The following ROBO1 variants were observed in gnomAD, a reference collection of about 807,000 sequenced individuals.
ROBO1 encodes roundabout homolog 1.
ROBO1 carries 149 observed loss-of-function variants against 195.9 expected under a neutral mutation model. The observed-to-expected ratio is 0.76, with a 90% CI of 0.67 to 0.87. The LOEUF is 0.87. Among genes scored for constraint, ROBO1 ranks in the 40% least tolerant of loss-of-function variants. ROBO1 has a pLI of 0.00. For missense variants in ROBO1, 1,933 were observed against 2,068.3 expected (o/e 0.93, Z 1.27); for synonymous variants, 816 against 733.2 (o/e 1.11, Z -1.82).
At chr3:78,642,211 T>C (rs1416723241) in intron 21 of ROBO1, among the ~76,000 whole-genome samples, 1 of 152,178 alleles carries the variant, frequency 6.6e-6, no homozygotes, top group East Asian at 1.9e-4. Flanking sequence ...TAGATTTGCG[T>C]CATGAAGAAA....
chr3:79,517,633 GTTTA>G (rs1395085278), intron 2 of ROBO1, among the ~76,000 whole-genome samples: 2 of 152,066 alleles, frequency 1.3e-5, no homozygotes, highest in Non-Finnish European at 2.9e-5. Context: ...GATCATCTTT[GTTTA>G]CCCTCTGTTC....
At chr3:79,084,971 C>T (rs912391180) in intron 3 of ROBO1, among the ~76,000 whole-genome samples, 3 of 151,936 alleles carry the variant, frequency 2.0e-5, no homozygotes, top group Non-Finnish European at 4.4e-5. Context: ...TAAAACTGTA[C>T]ATAGCATAAA....
At chr3:78,723,418 C>A (rs1350366) in intron 5 of ROBO1, among the ~76,000 whole-genome samples, 16,591 of 152,096 alleles carry the variant, frequency 0.11, 1,444 homozygotes, top group East Asian at 0.41. Flanking sequence ...CAGAATATAA[C>A]CCTGTCATTA....
chr3:79,517,055 C>A (rs770915931), intron 2 of ROBO1, among the ~76,000 whole-genome samples: 1 of 152,142 alleles, frequency 6.6e-6, no homozygotes, highest in Non-Finnish European at 1.5e-5. Flanking sequence ...TTTTACCATA[C>A]CATAAGACTC....
chr3:78,796,386 G>A (rs1351698479), intron 4 of ROBO1, among the ~76,000 whole-genome samples: 3 of 93,796 alleles, frequency 3.2e-5, no homozygotes, highest in South Asian at 4.4e-4. Flanking sequence ...ATGCAGTACT[G>A]TTGGTTCATA....
chr3:78,801,430 T>C (rs2084367654), intron 4 of ROBO1, among the ~76,000 whole-genome samples: 1 of 152,178 alleles, frequency 6.6e-6, no homozygotes, highest in Non-Finnish European at 1.5e-5. Context: ...TATAAAAATA[T>C]TAATATCAAA....
chr3:78,973,591 A>C (rs2076821184), intron 3 of ROBO1, among the ~76,000 whole-genome samples: 1 of 146,556 alleles, frequency 6.8e-6, no homozygotes, highest in Non-Finnish European at 1.5e-5. Context: ...ATATATATAT[A>C]TATATATAGC....
intron 4 of ROBO1, among the ~76,000 whole-genome samples, chr3:78,808,440 T>C (rs994009468): frequency 1.3e-5 from 2 of 152,108 alleles, no homozygotes; most frequent in Non-Finnish European, 2.9e-5. Flanking sequence ...CCTGAACTCG[T>C]GATCCACCCA....
At chr3:79,138,583 T>G in intron 2 of ROBO1, among the ~76,000 whole-genome samples, 1 of 152,038 alleles carries the variant, frequency 6.6e-6, no homozygotes, top group Admixed American at 6.6e-5. Context: ...TGCACACATT[T>G]GGAAATAGAA....
chr3:79,580,234 G>A (rs1463949039), intron 2 of ROBO1, among the ~76,000 whole-genome samples: 1 of 152,054 alleles, frequency 6.6e-6, no homozygotes, highest in Non-Finnish European at 1.5e-5. Context: ...CACTTTGAGA[G>A]GCCTAAGCTG....
chr3:78,878,413 C>T (rs943577761), intron 4 of ROBO1, among the ~76,000 whole-genome samples: 2 of 151,828 alleles, frequency 1.3e-5, no homozygotes, highest in African/African-American at 2.4e-5. Context: ...TGGCAAACCC[C>T]GTCTCTACTA....
chr3:78,995,162 A>T (rs1004727110), intron 3 of ROBO1, among the ~76,000 whole-genome samples: 2 of 152,206 alleles, frequency 1.3e-5, no homozygotes, highest in Non-Finnish European at 2.9e-5. Flanking sequence ...AAAGTTGGGT[A>T]ACTGATGATA....
chr3:79,387,964 CT>C (rs1285361689), intron 2 of ROBO1, among the ~76,000 whole-genome samples: 2 of 152,130 alleles, frequency 1.3e-5, no homozygotes, highest in African/African-American at 4.8e-5. Context: ...CCCAGCAATT[CT>C]CACAGTGCTA....
chr3:78,704,772 G>A (rs1016179876), intron 8 of ROBO1, among the ~76,000 whole-genome samples: 1 of 151,916 alleles, frequency 6.6e-6, no homozygotes, highest in Non-Finnish European at 1.5e-5. Flanking sequence ...AGCCCAGGTG[G>A]TCAATGCTGC....
intron 6 of ROBO1, 68 bp from the exon 7 acceptor site, chr3:78,717,481 T>C (rs2081931228): frequency 2.2e-6 from 3 of 1,336,454 alleles, no homozygotes; most frequent in Non-Finnish European, 3.2e-6. Context: ...ACTTTAGGAG[T>C]TCAGTAAGAG....
At chr3:79,303,736 A>C (rs1181211581) in intron 2 of ROBO1, among the ~76,000 whole-genome samples, 1 of 152,182 alleles carries the variant, frequency 6.6e-6, no homozygotes, top group African/African-American at 2.4e-5. Context: ...GTTAGCATTC[A>C]GAATTACGTT....
At chr3:78,799,068 T>C (rs978268429) in intron 4 of ROBO1, among the ~76,000 whole-genome samples, 5 of 152,206 alleles carry the variant, frequency 3.3e-5, no homozygotes, top group Non-Finnish European at 7.3e-5. Flanking sequence ...ATTATTATCA[T>C]ATAGTGGGTT....
chr3:79,200,272 A>C (rs1048110387), intron 2 of ROBO1, among the ~76,000 whole-genome samples: 1 of 151,830 alleles, frequency 6.6e-6, no homozygotes, highest in Non-Finnish European at 1.5e-5. Context: ...CACACAATGT[A>C]ATTCTGAATT....
intron 2 of ROBO1, among the ~76,000 whole-genome samples, chr3:79,293,058 G>A (rs2032354212): frequency 6.6e-6 from 1 of 152,134 alleles, no homozygotes; most frequent in Non-Finnish European, 1.5e-5. Context: ...TTCAGACCTT[G>A]TTATTGGTCT....
Sources: allele counts gnomAD v4.1 joint callset (sites outside exome capture counted in the v4.1 genomes callset), GRCh38; gene constraint gnomAD v4.1.1; transcripts MANE v1.5; gene names NCBI Gene and HGNC (gene_info 2026-07-23, HGNC 2026-07-21).